The following SHROOM2 variants were observed in gnomAD, a reference collection of about 807,000 sequenced individuals.
SHROOM2 encodes protein Shroom2.
Under a neutral mutation model 75.9 loss-of-function variants are expected in SHROOM2, and 33 were observed. The ratio of observed to expected loss-of-function variants is 0.43; its 90% confidence interval spans 0.33 to 0.58. SHROOM2 has a LOEUF of 0.58. Among genes scored for constraint, SHROOM2 ranks in the 20% least tolerant of loss-of-function variants. The pLI, the probability that SHROOM2 is intolerant of heterozygous loss-of-function variation, is 0.04. For synonymous variants in SHROOM2, 655 were observed against 663.6 expected, an observed-to-expected ratio of 0.99 and a Z score of 0.20; for missense variants, 1,434 against 1,461.2, an observed-to-expected ratio of 0.98 and a Z score of 0.30.
At chrX:9,842,158 T>A (rs751231742) in intron 1 of SHROOM2, among the ~76,000 whole-genome samples, 1 of 111,876 alleles carries the variant, frequency 8.9e-6, no homozygotes, top group Non-Finnish European at 1.9e-5. Context: ...AGGTTGTAAA[T>A]TTTTCATTTA....
intron 1 of SHROOM2, among the ~76,000 whole-genome samples, chrX:9,858,433 T>C (rs2084084622): frequency 8.9e-6 from 1 of 112,677 alleles, no homozygotes; most frequent in East Asian, 2.8e-4. Context: ...CTTTTCACTT[T>C]GAAAATGCAA....
chrX:9,794,826 T>G (rs1011714868), intron 1 of SHROOM2, among the ~76,000 whole-genome samples: 2 of 112,267 alleles, frequency 1.8e-5, no homozygotes, highest in African/African-American at 6.5e-5. Context: ...TATCCTTGAT[T>G]CATCCCTCAA....
Position 9,792,151 on chromosome X carries a change from G to GAATAGAAT in SHROOM2, c.165+5445_165+5452dup, listed in dbSNP as rs2083667093. On this transcript the variant is annotated intron_variant, in intron 1 of 9. Transcript: ENST00000380913. Reference sequence around the variant, plus strand: ...GAATAGAATAGAATAGAATAGAATAGAATAGAATAATCACCAGTATCTGAT... The same window carrying GAATAGAAT: ...GAATAGAATAGAATAGAATAGAATAGAATAGAATAATAGAATAATCACCAGTATCTGAT... Among the ~76,000 whole-genome samples, 2 of 13,881 alleles carry GAATAGAAT rather than the reference G, an allele frequency of 1.4e-4. 1 individual carries two copies. The highest frequency in any genetic ancestry group is 3.3e-4 in the Non-Finnish European group (2 of 6,022). 12.1% of individuals were successfully genotyped at this position (13,881 alleles called of 115,157 possible).
chrX:9,838,153 C>T (rs1008885919), intron 1 of SHROOM2, among the ~76,000 whole-genome samples: 11 of 105,968 alleles, frequency 1.0e-4, no homozygotes, highest in African/African-American at 2.8e-4. Context: ...CTCCGTCTCC[C>T]GGGTTCACGC....
rs895670627 is a variant in SHROOM2, at chrX:9,827,018, C to G, written c.165+40308C>G. Among the ~76,000 whole-genome samples, 39 of 110,024 alleles carry G rather than the reference C, an allele frequency of 3.5e-4. No individual in the cohort carries two copies. The Admixed American group carries it at 3.8e-3, about 11-fold the overall frequency. ...TAAAAGAAGGGGGATGACTCCATTC[C>G]TCCAGTGCAGTGGTGAAACCTTGGC... is the stretch of plus-strand genomic sequence containing the variant. On this transcript the variant is annotated intron_variant, in intron 1 of 9. Coordinates refer to ENST00000380913, the MANE Select transcript of SHROOM2 (RefSeq NM_001649.4).
chrX:9,896,754 A>C, intron 4 of SHROOM2, 56 bp downstream of exon 4: 4 of 1,083,758 alleles, frequency 3.7e-6, no homozygotes, highest in Non-Finnish European at 4.9e-6. Context: ...GACAGGACAC[A>C]CCCAGAATGC....
chrX:9,874,835 C>G (rs2084189199), intron 2 of SHROOM2: 1 of 108,706 alleles, frequency 9.2e-6, no homozygotes, highest in African/African-American at 3.3e-5. Flanking sequence ...CTTTGGGAAG[C>G]CGAAGCGGGA....
chrX:9,905,984 G>A (rs1400024061), intron 5 of SHROOM2, among the ~76,000 whole-genome samples: 1 of 111,568 alleles, frequency 9.0e-6, no homozygotes, highest in African/African-American at 3.3e-5. Context: ...AAGAAGCAGC[G>A]GCACTGCAGT....
chrX:9,941,995 A>C (rs1292752024), intron 8 of SHROOM2, among the ~76,000 whole-genome samples: 1 of 101,121 alleles, frequency 9.9e-6, no homozygotes, highest in Non-Finnish European at 2.0e-5. Context: ...AAAAAAAAAA[A>C]ATTCCTGAGC....
chrX:9,942,457 C>T (rs986715611), intron 8 of SHROOM2, among the ~76,000 whole-genome samples: 15 of 111,951 alleles, frequency 1.3e-4, no homozygotes, highest in Admixed American at 1.9e-4. Flanking sequence ...ACACACCAGT[C>T]GCAAGTCTGA....
chrX:9,798,685 A>G (rs4830657), intron 1 of SHROOM2, among the ~76,000 whole-genome samples: 58,237 of 110,978 alleles, frequency 0.52, 12,143 homozygotes, highest in Non-Finnish European at 0.66. Context: ...TGTGGAATAT[A>G]TTTTTATAAT....
At chrX:9,848,234 G>A (rs1457201913) in intron 1 of SHROOM2, among the ~76,000 whole-genome samples, 1 of 110,793 alleles carries the variant, frequency 9.0e-6, no homozygotes, top group African/African-American at 3.3e-5. Flanking sequence ...GCCGGGCGCG[G>A]TGGCTCACGC....
chrX:9,800,156 A>G (rs1452111659), intron 1 of SHROOM2, among the ~76,000 whole-genome samples: 1 of 111,082 alleles, frequency 9.0e-6, no homozygotes, highest in East Asian at 2.8e-4. Context: ...TGCCTGGGCA[A>G]TCACAGTAGT....
chrX:9,937,837 T>C (rs1231824014), intron 7 of SHROOM2, 152 bp downstream of exon 7: 21 of 503,203 alleles, frequency 4.2e-5, no homozygotes, highest in Non-Finnish European at 6.1e-5. Context: ...ACTTTTTGGC[T>C]TTTTTGTGAG....
chrX:9,917,530 T>TTGC (rs1370830500), intron 5 of SHROOM2, among the ~76,000 whole-genome samples: 2 of 110,388 alleles, frequency 1.8e-5, no homozygotes, highest in East Asian at 5.6e-4. Flanking sequence ...GTTGTTGTTG[T>TTGC]TGTTTTTTGA....
chrX:9,904,478 A>G (rs904102471), intron 5 of SHROOM2, among the ~76,000 whole-genome samples: 2 of 111,875 alleles, frequency 1.8e-5, no homozygotes, highest in African/African-American at 6.5e-5. Flanking sequence ...TTCCAGAAGA[A>G]TCCAGCCCTG....
At chrX:9,878,888 G>A (rs1396523228) in intron 2 of SHROOM2, among the ~76,000 whole-genome samples, 2 of 111,868 alleles carry the variant, frequency 1.8e-5, no homozygotes, top group Non-Finnish European at 3.8e-5. Flanking sequence ...TGATTCAGGA[G>A]TGGGTATTTC....
chrX:9,898,381 G>A, intron 5 of SHROOM2, 91 bp downstream of exon 5: 14 of 695,029 alleles, frequency 2.0e-5, no homozygotes, highest in Non-Finnish European at 3.0e-5. Flanking sequence ...ATGGCTAGAT[G>A]TCTGGCTTTT....
At chrX:9,812,333 A>G (rs1223939742) in intron 1 of SHROOM2, among the ~76,000 whole-genome samples, 1 of 111,669 alleles carries the variant, frequency 9.0e-6, no homozygotes, top group Non-Finnish European at 1.9e-5. Flanking sequence ...AGCCTTCTCC[A>G]GTTCTGGACC....
Sources: allele counts gnomAD v4.1 joint callset (sites outside exome capture counted in the v4.1 genomes callset), GRCh38; gene constraint gnomAD v4.1.1; transcripts MANE v1.5; gene names NCBI Gene and HGNC (gene_info 2026-07-23, HGNC 2026-07-21).